The following MCTP2 variants were observed in gnomAD, a reference collection of about 807,000 sequenced individuals.
The protein encoded by MCTP2 is multiple C2 and transmembrane domain-containing protein 2.
A neutral mutation model predicts 111.6 loss-of-function variants in MCTP2; 132 were observed. The ratio of observed to expected loss-of-function variants is 1.18; its 90% confidence interval spans 1.03 to 1.37. MCTP2 has a LOEUF of 1.37. MCTP2 is among the 40% of genes most tolerant of loss of function. The pLI is 0.00. For missense variants in MCTP2, 1,183 were observed against 1,067.9 expected, an observed-to-expected ratio of 1.11 and a Z score of -1.50; for synonymous variants, 395 against 387.7, an observed-to-expected ratio of 1.02 and a Z score of -0.22.
chr15:94,369,126 T>C (rs1168202028), intron 11 of MCTP2, among the ~76,000 whole-genome samples: 1 of 152,204 alleles, frequency 6.6e-6, no homozygotes, highest in Non-Finnish European at 1.5e-5. Context: ...AAACTAATTG[T>C]TTTGTTTGTT....
chr15:94,269,929 G>A (rs1057293495), intron 1 of MCTP2, among the ~76,000 whole-genome samples: 4 of 152,188 alleles, frequency 2.6e-5, no homozygotes, highest in East Asian at 3.9e-4. Context: ...ACTCTAAAGC[G>A]TTTCACTTAT....
rs536418964 is a variant in MCTP2, at chr15:94,456,956, C to T, written c.2251-1181C>T. Among the ~76,000 whole-genome samples, 467 of 152,322 alleles carry T rather than the reference C, an allele frequency of 3.1e-3. 1 individual carries two copies. Among genetic ancestry groups the T allele is most frequent in the Non-Finnish European group, 5.1e-3 (346 of 68,030 alleles). ...CCTATTGGTAGTGGGTTCTCTTTCA[C>T]TCCATCCATGACTCCAGTTTAATGG... On this transcript the variant is annotated intron_variant, in intron 19 of 22. Coordinates refer to ENST00000357742, the MANE Select transcript of MCTP2 (RefSeq NM_001385001.1).
intron 1 of MCTP2, among the ~76,000 whole-genome samples, chr15:94,293,117 T>C (rs1430868581): frequency 3.3e-5 from 5 of 152,088 alleles, no homozygotes; most frequent in African/African-American, 1.2e-4. Flanking sequence ...TTAGAAAACA[T>C]GGGAGAAAAC....
At chr15:94,237,510 A>C (rs1260071308) in intron 1 of MCTP2, among the ~76,000 whole-genome samples, 1 of 151,974 alleles carries the variant, frequency 6.6e-6, no homozygotes, top group Non-Finnish European at 1.5e-5. Flanking sequence ...TACAAACTAT[A>C]AATTCTTATC....
Position 94,384,021 on chromosome 15 carries a change from G to T in MCTP2, c.1583-1G>T. On this transcript the variant is annotated splice_acceptor_variant, in intron 12 of 22. Transcript: ENST00000357742. LOFTEE classifies it high-confidence loss of function. ...GACCGATGTGTATGTTATCTTTCCA[G>T]GGAAGAGTGACCCATTTTGCTTGTT... is the stretch of plus-strand genomic sequence containing the variant. 4 of 1,609,242 alleles carry T rather than the reference G, an allele frequency of 2.5e-6. No individual in the cohort carries two copies. The highest frequency in any genetic ancestry group is 3.4e-6 in the Non-Finnish European group (4 of 1,175,750).
chr15:94,301,678 T>C (rs2075619980), intron 2 of MCTP2, among the ~76,000 whole-genome samples: 1 of 152,284 alleles, frequency 6.6e-6, no homozygotes, highest in East Asian at 1.9e-4. Flanking sequence ...TTCCTGTGAG[T>C]TTTCTTTAGT....
chr15:94,317,951 G>T (rs1420779331), intron 4 of MCTP2, among the ~76,000 whole-genome samples: 2 of 151,468 alleles, frequency 1.3e-5, no homozygotes, highest in African/African-American at 4.9e-5. Context: ...TATTATAAAT[G>T]TATCTATTTT....
chr15:94,390,747 T>TTTG (rs1567605301), intron 14 of MCTP2, among the ~76,000 whole-genome samples: 16 of 140,924 alleles, frequency 1.1e-4, no homozygotes, highest in East Asian at 8.5e-4. Flanking sequence ...TTTTTTTTTT[T>TTTG]GGGATGGAGT....
At chr15:94,297,039 C>T (rs1380617653) in intron 1 of MCTP2, among the ~76,000 whole-genome samples, 1 of 152,176 alleles carries the variant, frequency 6.6e-6, no homozygotes. Context: ...AGCCAGGGTC[C>T]TTGATTTTAG....
At chr15:94,406,839 G>T (rs1369490896) in intron 17 of MCTP2, among the ~76,000 whole-genome samples, 4 of 150,562 alleles carry the variant, frequency 2.7e-5, no homozygotes, top group Non-Finnish European at 4.4e-5. Context: ...GATCATGGAA[G>T]GCATTGGACT....
intron 2 of MCTP2, among the ~76,000 whole-genome samples, chr15:94,307,029 G>T (rs1264385371): frequency 6.6e-6 from 1 of 152,138 alleles, no homozygotes; most frequent in Non-Finnish European, 1.5e-5. Flanking sequence ...TGTCAGAGAG[G>T]CAGGTGTGTC....
chr15:94,365,975 G>A (rs1435220179), intron 10 of MCTP2, among the ~76,000 whole-genome samples: 1 of 152,132 alleles, frequency 6.6e-6, no homozygotes, highest in Non-Finnish European at 1.5e-5. Flanking sequence ...ATAATGCTTA[G>A]CAAAGTATTC....
rs1003680812 is a variant in MCTP2 at position 94,298,388 on chromosome 15, G to A, written c.123G>A (p.Arg41=). The part of the protein sequence containing the change: ...NPSKPPDLRA[R]HHLDRRLSLS... ...GTAAGCCCCCAGATCTACGGGCAAG[G>A]CATCACTTGGACCGCCGTCTCAGCC... The change falls in exon 2 of 23, where the codon AGG becomes AGA. Residue 41 remains arginine, a synonymous_variant. Transcript: ENST00000357742. The A allele has an allele frequency of 6.2e-6, 10 of 1,614,062 alleles. No individual in the cohort carries two copies. The highest frequency in any genetic ancestry group is 7.6e-6 in the Non-Finnish European group (9 of 1,180,030).
At chr15:94,390,344 C>T (rs182076080) in intron 14 of MCTP2, among the ~76,000 whole-genome samples, 88 of 152,120 alleles carry the variant, frequency 5.8e-4, no homozygotes, top group South Asian at 1.0e-3. Context: ...TCACATTGCT[C>T]CTTTAATCTT....
chr15:94,408,803 T>A (rs1403528704), intron 17 of MCTP2, among the ~76,000 whole-genome samples: 5 of 152,224 alleles, frequency 3.3e-5, no homozygotes, highest in Non-Finnish European at 5.9e-5. Flanking sequence ...TTTTGACTAG[T>A]AAACATTAGA....
intron 17 of MCTP2, among the ~76,000 whole-genome samples, chr15:94,411,812 G>C (rs574402098): frequency 6.6e-6 from 1 of 152,050 alleles, no homozygotes; most frequent in African/African-American, 2.4e-5. Flanking sequence ...TCTAAGCCTT[G>C]CTCTTGCACA....
At chr15:94,260,314 C>A (rs1184791220) in intron 1 of MCTP2, among the ~76,000 whole-genome samples, 1 of 152,212 alleles carries the variant, frequency 6.6e-6, no homozygotes, top group African/African-American at 2.4e-5. Context: ...CAGTCTACCC[C>A]CTGAGTCCAG....
chr15:94,306,362 A>C (rs1281897715), intron 2 of MCTP2, among the ~76,000 whole-genome samples: 1 of 152,220 alleles, frequency 6.6e-6, no homozygotes, highest in African/African-American at 2.4e-5. Context: ...CTTATTTTTC[A>C]GAATGACATG....
intron 17 of MCTP2, among the ~76,000 whole-genome samples, chr15:94,425,752 T>C (rs991909684): frequency 4.6e-5 from 7 of 152,210 alleles, no homozygotes; most frequent in Admixed American, 2.0e-4. Flanking sequence ...TTATGACCAA[T>C]TTTAAACTTA....
Sources: gnomAD v4.1 joint callset for allele counts (sites outside exome capture counted in the v4.1 genomes callset) on GRCh38, gnomAD v4.1.1 for gene constraint, MANE v1.5 for transcripts, NCBI Gene and HGNC (gene_info 2026-07-23, HGNC 2026-07-21) for gene names.